Variants in BMPR1B observed in about 807,000 individuals in gnomAD.
BMPR1B encodes bone morphogenetic protein receptor type-1B.
In BMPR1B, 12 loss-of-function variants were observed where a neutral mutation model predicts 59.1. That is an observed-to-expected ratio of 0.20 (90% confidence interval 0.13 to 0.33). BMPR1B has a LOEUF of 0.33. Ranked by LOEUF, BMPR1B falls within the 10% of genes least tolerant of loss-of-function variation. The probability of loss-of-function intolerance (pLI) is 1.00; values close to 1 mark genes in which losing one functional copy is unlikely to be tolerated. For missense variants in BMPR1B, 550 were observed against 610.9 expected (o/e 0.90, Z 1.05); for synonymous variants, 237 against 207.3 (o/e 1.14, Z -1.23).
At chr4:95,051,631 G>A in intron 3 of BMPR1B, 1 of 1,439,000 alleles carries the variant, frequency 6.9e-7, no homozygotes, top group South Asian at 1.2e-5. Context: ...AGGCGTCTCA[G>A]TGAAAGACGG....
At chr4:94,992,394 A>G (rs545600785) in intron 2 of BMPR1B, among the ~76,000 whole-genome samples, 80 of 152,336 alleles carry the variant, frequency 5.3e-4, no homozygotes, top group African/African-American at 1.7e-3. Flanking sequence ...AGTGACTGCT[A>G]TAAAGGCTTT....
At chr4:95,060,452 C>T (rs887072795) in intron 3 of BMPR1B, among the ~76,000 whole-genome samples, 1 of 152,128 alleles carries the variant, frequency 6.6e-6, no homozygotes, top group Non-Finnish European at 1.5e-5. Context: ...GTTGTCCTAG[C>T]ACTACACAAA....
At chr4:94,932,237 A>C (rs1453947180) in intron 2 of BMPR1B, among the ~76,000 whole-genome samples, 2 of 152,134 alleles carry the variant, frequency 1.3e-5, no homozygotes, top group Non-Finnish European at 2.9e-5. Context: ...TAGATCACAG[A>C]GGAGTTCCAT....
At chr4:95,129,231 C>T (rs540595996) in intron 8 of BMPR1B, among the ~76,000 whole-genome samples, 1 of 152,294 alleles carries the variant, frequency 6.6e-6, no homozygotes, top group South Asian at 2.1e-4. Context: ...TTGATGCTCT[C>T]TGCTTAATGC....
intron 3 of BMPR1B, among the ~76,000 whole-genome samples, chr4:94,999,985 T>A (rs1264579104): frequency 6.6e-6 from 1 of 152,214 alleles, no homozygotes; most frequent in African/African-American, 2.4e-5. Context: ...GCTCTGATAT[T>A]CAATAAAAAT....
chr4:94,860,144 G>A (rs1166948566), intron 1 of BMPR1B, among the ~76,000 whole-genome samples: 3 of 152,174 alleles, frequency 2.0e-5, no homozygotes, highest in African/African-American at 7.2e-5. Context: ...GATGATGTGA[G>A]GGATTGTAAG....
intron 1 of BMPR1B, among the ~76,000 whole-genome samples, chr4:94,843,654 A>C (rs1725189224): frequency 7.2e-6 from 1 of 138,436 alleles, no homozygotes; most frequent in Non-Finnish European, 1.5e-5. Flanking sequence ...TGTTTAGTCT[A>C]TTCAATGACA....
intron 1 of BMPR1B, among the ~76,000 whole-genome samples, chr4:94,851,628 C>G (rs1725568485): frequency 6.6e-6 from 1 of 151,842 alleles, no homozygotes. Flanking sequence ...TGAACACATA[C>G]CTCTAATTTA....
At chr4:94,831,489 G>A (rs949010383) in intron 1 of BMPR1B, among the ~76,000 whole-genome samples, 21 of 152,208 alleles carry the variant, frequency 1.4e-4, no homozygotes, top group East Asian at 9.6e-4. Flanking sequence ...CAGTAATGTC[G>A]TAGGATTCCT....
chr4:94,934,058 G>A (rs1033409408), intron 2 of BMPR1B, among the ~76,000 whole-genome samples: 1 of 152,138 alleles, frequency 6.6e-6, no homozygotes, highest in Admixed American at 6.6e-5. Flanking sequence ...ATAACTGATA[G>A]TCTCTTTCTC....
At chr4:94,817,351 T>TA (rs1724049065) in intron 1 of BMPR1B, among the ~76,000 whole-genome samples, 1 of 152,220 alleles carries the variant, frequency 6.6e-6, no homozygotes, top group South Asian at 2.1e-4. Flanking sequence ...GAATATGCCA[T>TA]AAAATCTCTA....
intron 3 of BMPR1B, among the ~76,000 whole-genome samples, chr4:95,102,152 ACTT>A (rs1227021708): frequency 1.3e-5 from 2 of 152,350 alleles, no homozygotes; most frequent in Non-Finnish European, 2.9e-5. Context: ...ATTTTATACC[ACTT>A]CTTCTAGACA....
chr4:95,109,773 T>C (rs1251040064), intron 4 of BMPR1B, among the ~76,000 whole-genome samples: 2 of 151,694 alleles, frequency 1.3e-5, no homozygotes, highest in Non-Finnish European at 2.9e-5. Flanking sequence ...TTGTTACATA[T>C]GTATACAACA....
At chr4:94,936,093 T>A (rs1729284953) in intron 2 of BMPR1B, among the ~76,000 whole-genome samples, 1 of 152,178 alleles carries the variant, frequency 6.6e-6, no homozygotes. Flanking sequence ...AGAGTGCTTC[T>A]ATTGGAACAT....
intron 10 of BMPR1B, among the ~76,000 whole-genome samples, chr4:95,134,541 C>G (rs1171648649): frequency 6.6e-6 from 1 of 152,164 alleles, no homozygotes; most frequent in Non-Finnish European, 1.5e-5. Context: ...TGTTTCCTGA[C>G]TTTTTAATGA....
intron 3 of BMPR1B, among the ~76,000 whole-genome samples, chr4:95,083,650 AT>A (rs1385513206): frequency 2.6e-5 from 4 of 152,144 alleles, no homozygotes; most frequent in African/African-American, 9.7e-5. Flanking sequence ...ATAACACACT[AT>A]TTTTTGGTGT....
intron 1 of BMPR1B, among the ~76,000 whole-genome samples, chr4:94,851,538 C>T (rs1422350798): frequency 1.3e-5 from 2 of 151,880 alleles, no homozygotes; most frequent in Non-Finnish European, 2.9e-5. Context: ...ATGTTTTTAT[C>T]CTTGATATGA....
At chr4:94,863,055 G>A (rs1213084013) in intron 1 of BMPR1B, among the ~76,000 whole-genome samples, 1 of 151,970 alleles carries the variant, frequency 6.6e-6, no homozygotes, top group East Asian at 1.9e-4. Context: ...GGCAGAGGTT[G>A]CAGTGAGCCG....
In BMPR1B at chr4:95,154,844, A is replaced by G; in HGVS notation, c.*171A>G. The G allele has an allele frequency of 1.2e-6, 1 of 836,758 alleles. No individual in the cohort carries two copies. The highest frequency in any genetic ancestry group is 1.6e-5 in the South Asian group (1 of 61,566). 51.8% of individuals were successfully genotyped at this position (836,758 alleles called of 1,614,324 possible). ...GGAGCGACCTGGGCAAAGACAGAGA[A>G]GCTCCCAGAAGGAGAGATTGATCCA... On this transcript the variant is annotated 3_prime_UTR_variant, in exon 13 of 13. Transcript: ENST00000515059.
Sources: gnomAD v4.1 joint callset for allele counts (sites outside exome capture counted in the v4.1 genomes callset) on GRCh38, gnomAD v4.1.1 for gene constraint, MANE v1.5 for transcripts, NCBI Gene and HGNC (gene_info 2026-07-23, HGNC 2026-07-21) for gene names.